ARNT2: variants seen among roughly 807,000 people sequenced by gnomAD.
The protein encoded by ARNT2 is aryl hydrocarbon receptor nuclear translocator 2.
In ARNT2, 36 loss-of-function variants were observed where a neutral mutation model predicts 91.7. That is an observed-to-expected ratio of 0.39 (90% CI 0.30 to 0.52). The LOEUF (loss-of-function observed/expected upper bound fraction) is 0.52, where lower values mean the gene tolerates loss of function less well. ARNT2 is among the 20% of genes least tolerant of loss of function. The pLI is 0.72. For missense variants in ARNT2, 775 were observed against 939.3 expected (o/e 0.83, Z 2.29); for synonymous variants, 365 against 347.1 (o/e 1.05, Z -0.57).
At chr15:80,482,199 C>T (rs183601743) in intron 5 of ARNT2, among the ~76,000 whole-genome samples, 26 of 152,326 alleles carry the variant, frequency 1.7e-4, no homozygotes, top group African/African-American at 6.0e-4. Flanking sequence ...CATGAGCCAC[C>T]GCAGTGGGCC....
intron 18 of ARNT2, among the ~76,000 whole-genome samples, chr15:80,592,727 C>G (rs1157996312): frequency 6.6e-6 from 1 of 152,246 alleles, no homozygotes; most frequent in African/African-American, 2.4e-5. Context: ...CTCCTCCTTC[C>G]TCCTTCTGTA....
At chr15:80,470,717 A>G (rs1896721069) in intron 4 of ARNT2, among the ~76,000 whole-genome samples, 1 of 152,228 alleles carries the variant, frequency 6.6e-6, no homozygotes, top group Non-Finnish European at 1.5e-5. Context: ...GTTAGTAAAA[A>G]CGCTGTATGC....
At chr15:80,578,272 G>C (rs942594508) in intron 15 of ARNT2, among the ~76,000 whole-genome samples, 5 of 152,142 alleles carry the variant, frequency 3.3e-5, no homozygotes, top group African/African-American at 1.2e-4. Flanking sequence ...TGACTCTTCA[G>C]CTAGGCCTGA....
At chr15:80,513,533 A>G (rs1368048171) in intron 6 of ARNT2, among the ~76,000 whole-genome samples, 1 of 152,162 alleles carries the variant, frequency 6.6e-6, no homozygotes, top group Non-Finnish European at 1.5e-5. Context: ...CTGAAGGGAC[A>G]TTATTGCTGT....
chr15:80,455,628 GT>G (rs1193513732), intron 2 of ARNT2, among the ~76,000 whole-genome samples: 1 of 152,070 alleles, frequency 6.6e-6, no homozygotes, highest in African/African-American at 2.4e-5. Flanking sequence ...GACTTTTCCA[GT>G]TTTAGCACTG....
intron 17 of ARNT2, among the ~76,000 whole-genome samples, chr15:80,582,673 C>T (rs1002235779): frequency 6.6e-6 from 1 of 152,162 alleles, no homozygotes; most frequent in Admixed American, 6.5e-5. Context: ...GCCTTAGTCC[C>T]ATTTACTTGC....
At chr15:80,451,149 G>T (rs1896383272) in intron 2 of ARNT2, among the ~76,000 whole-genome samples, 155 bp downstream of exon 2, 1 of 152,246 alleles carries the variant, frequency 6.6e-6, no homozygotes, top group Admixed American at 6.5e-5. Context: ...ATATGCACAT[G>T]ATTTGCTTCT....
chr15:80,534,400 C>T (rs146489637), intron 8 of ARNT2, among the ~76,000 whole-genome samples: 21 of 151,916 alleles, frequency 1.4e-4, no homozygotes, highest in South Asian at 4.2e-4. Flanking sequence ...GAAAACTTTG[C>T]GAAATAAAGT....
At chr15:80,464,331 G>C (rs1182072137) in intron 3 of ARNT2, among the ~76,000 whole-genome samples, 1 of 151,300 alleles carries the variant, frequency 6.6e-6, no homozygotes, top group East Asian at 1.9e-4. Context: ...GGGGTGGGGG[G>C]TTGCAAGGAT....
intron 1 of ARNT2, among the ~76,000 whole-genome samples, chr15:80,423,492 A>G (rs1381438776): frequency 6.6e-6 from 1 of 152,094 alleles, no homozygotes; most frequent in Non-Finnish European, 1.5e-5. Flanking sequence ...AAGCATGTGT[A>G]TATATATATA....
At position 80,576,924 on chromosome 15, in the gene ARNT2, A is replaced by G. The variant is rs1489698095; in HGVS notation, c.1572A>G (p.Gln524=). ...CAGGAACCCAGCAGATCTACTCCCA[A>G]GGAAGCCCATTTCCCTCTGGACACT... The part of the protein sequence containing the change: ...SAAGTQQIYS[Q]GSPFPSGHSG... The change falls in exon 15 of 19, where the codon CAA becomes CAG. Residue 524 remains glutamine, a synonymous_variant. Transcript: ENST00000303329. The G allele has an allele frequency of 1.9e-5, 30 of 1,613,988 alleles. No individual in the cohort carries two copies. Among genetic ancestry groups the G allele is most frequent in the Non-Finnish European group, 2.5e-5 (30 of 1,180,038 alleles).
chr15:80,422,287 A>G (rs3848208), intron 1 of ARNT2, among the ~76,000 whole-genome samples: 34,451 of 152,162 alleles, frequency 0.23, 4,052 homozygotes, highest in Non-Finnish European at 0.24. Flanking sequence ...TGTAGGGAAA[A>G]TAGAAAATAA....
intron 16 of ARNT2, among the ~76,000 whole-genome samples, chr15:80,580,767 C>T (rs565245658): frequency 6.6e-6 from 1 of 152,326 alleles, no homozygotes; most frequent in African/African-American, 2.4e-5. Flanking sequence ...CTCCTTACAG[C>T]CATGCCCTGA....
chr15:80,456,864 T>C (rs979784800), intron 2 of ARNT2, among the ~76,000 whole-genome samples: 3 of 152,106 alleles, frequency 2.0e-5, no homozygotes, highest in Admixed American at 2.0e-4. Flanking sequence ...AAGGAGTTTC[T>C]CAAGCCAGGC....
intron 1 of ARNT2, among the ~76,000 whole-genome samples, chr15:80,431,960 C>T (rs1162076548): frequency 2.0e-5 from 3 of 152,180 alleles, no homozygotes; most frequent in Non-Finnish European, 2.9e-5. Flanking sequence ...TGCCCAGGGC[C>T]GCTCCTCCTT....
At chr15:80,405,644 A>G (rs1316461024) in intron 1 of ARNT2, among the ~76,000 whole-genome samples, 2 of 152,186 alleles carry the variant, frequency 1.3e-5, no homozygotes, top group African/African-American at 4.8e-5. Flanking sequence ...GTTTGAATAT[A>G]CAGAGCCAGT....
At chr15:80,504,826 A>T (rs1261561881) in intron 5 of ARNT2, among the ~76,000 whole-genome samples, 3 of 150,042 alleles carry the variant, frequency 2.0e-5, no homozygotes, top group Non-Finnish European at 3.0e-5. Flanking sequence ...AGGGAGGGGA[A>T]GTGGCTGGGA....
intron 6 of ARNT2, among the ~76,000 whole-genome samples, chr15:80,511,659 G>T (rs551958634): frequency 6.6e-5 from 10 of 152,140 alleles, no homozygotes; most frequent in Non-Finnish European, 1.2e-4. Flanking sequence ...GGTATCTAAG[G>T]CCTCAAAACT....
At chr15:80,521,425 A>G (rs957269802) in intron 8 of ARNT2, among the ~76,000 whole-genome samples, 2 of 152,194 alleles carry the variant, frequency 1.3e-5, no homozygotes, top group African/African-American at 2.4e-5. Flanking sequence ...TGTATCAACT[A>G]TATATTTTTG....
Sources: allele counts gnomAD v4.1 joint callset (sites outside exome capture counted in the v4.1 genomes callset), GRCh38; gene constraint gnomAD v4.1.1; transcripts MANE v1.5; gene names NCBI Gene and HGNC (gene_info 2026-07-23, HGNC 2026-07-21).